XKR4: variants seen among roughly 807,000 people sequenced by gnomAD.
XKR4 encodes XK-related protein 4.
In XKR4, 12 loss-of-function variants were observed where a neutral mutation model predicts 53.9. The observed-to-expected ratio is 0.22, with a 90% confidence interval of 0.14 to 0.36. The LOEUF is 0.36. Ranked by LOEUF, XKR4 falls within the 10% of genes least tolerant of loss-of-function variation. The pLI is 1.00. For synonymous variants in XKR4, 354 were observed against 362.4 expected (o/e 0.98, Z 0.26); for missense variants, 799 against 859.5 (o/e 0.93, Z 0.88).
In XKR4 at chr8:55,523,578, T is replaced by C; in HGVS notation, c.1304T>C (p.Met435Thr). ...ITKWEEIVFD[M>T]VVGIIYIFSW... ...AAATGGGAAGAGATTGTGTTCGACATGGTGGTGGGGATTATCTATATCTTC... is the reference window on the plus strand; with the variant it reads ...AAATGGGAAGAGATTGTGTTCGACACGGTGGTGGGGATTATCTATATCTTC... The change falls in exon 3 of 3, where the codon ATG becomes ACG. Residue 435 changes from methionine (M) to threonine (T), a missense_variant. This residue lies in a region of XKR4 where 54 missense variants were observed against 89.7 expected (regional missense o/e 0.60). Coordinates refer to ENST00000327381, the MANE Select transcript of XKR4 (RefSeq NM_052898.2). 1.2e-6 allele frequency: 2 copies of C among 1,614,162 alleles called. No individual in the cohort carries two copies. Among genetic ancestry groups the C allele is most frequent in the Non-Finnish European group, 1.7e-6 (2 of 1,180,022 alleles).
intron 1 of XKR4, among the ~76,000 whole-genome samples, chr8:55,266,028 T>C (rs775747270): frequency 7.3e-4 from 110 of 151,306 alleles, no homozygotes; most frequent in Non-Finnish European, 1.2e-3. Flanking sequence ...TTCTTAAATA[T>C]AGGCATGTAG....
chr8:55,483,519 G>A (rs539887734), intron 2 of XKR4, among the ~76,000 whole-genome samples: 57 of 151,714 alleles, frequency 3.8e-4, no homozygotes, highest in African/African-American at 1.4e-3. Context: ...GGATTTAACA[G>A]CCAATTTGAT....
intron 1 of XKR4, among the ~76,000 whole-genome samples, chr8:55,161,081 A>C (rs1189816290): frequency 1.3e-5 from 2 of 152,152 alleles, no homozygotes; most frequent in African/African-American, 4.8e-5. Context: ...TTTGGTGGTT[A>C]TCTCTTCCAT....
At chr8:55,193,985 G>T (rs112382860) in intron 1 of XKR4, among the ~76,000 whole-genome samples, 1 of 152,164 alleles carries the variant, frequency 6.6e-6, no homozygotes, top group South Asian at 2.1e-4. Context: ...GGGCCCTGCC[G>T]TAGCCTTCCC....
chr8:55,359,035 T>C (rs1311310359), intron 2 of XKR4, among the ~76,000 whole-genome samples: 1 of 152,214 alleles, frequency 6.6e-6, no homozygotes, highest in Non-Finnish European at 1.5e-5. Context: ...CAACCCTAGT[T>C]TCACACTAGA....
At chr8:55,232,592 A>T (rs961574597) in intron 1 of XKR4, among the ~76,000 whole-genome samples, 1 of 152,250 alleles carries the variant, frequency 6.6e-6, no homozygotes, top group Non-Finnish European at 1.5e-5. Context: ...ACAAAAAATC[A>T]TGTAGAACTT....
chr8:55,221,633 C>T lies in XKR4; in HGVS notation c.806+118339C>T, dbSNP rs116182754. On this transcript the variant is annotated intron_variant, in intron 1 of 2. Coordinates refer to ENST00000327381, the MANE Select transcript of XKR4 (RefSeq NM_052898.2). ...GGCACTATCGTTCTTTGGCTGAGCT[C>T]AGGAAGTTCCCTCTCCCACCCCCAT... 5.9e-4 allele frequency among the ~76,000 whole-genome samples: 90 copies of T among 152,280 alleles called. 2 individuals are homozygous for T. The highest frequency in any genetic ancestry group is 6.8e-3 in the Middle Eastern group (2 of 294).
chr8:55,215,072 G>C (rs1368110174), intron 1 of XKR4, among the ~76,000 whole-genome samples: 1 of 103,132 alleles, frequency 9.7e-6, no homozygotes, highest in Non-Finnish European at 2.6e-5. Context: ...TTAGAGTATG[G>C]TTAAAAAAAA....
chr8:55,181,836 G>C (rs1817314274), intron 1 of XKR4, among the ~76,000 whole-genome samples: 1 of 151,848 alleles, frequency 6.6e-6, no homozygotes, highest in Admixed American at 6.6e-5. Flanking sequence ...AGACCAATCA[G>C]CTTAAAAATC....
At chr8:55,486,060 T>C (rs1806186155) in intron 2 of XKR4, among the ~76,000 whole-genome samples, 1 of 152,166 alleles carries the variant, frequency 6.6e-6, no homozygotes, top group African/African-American at 2.4e-5. Context: ...AATAATCACA[T>C]ATAAATTTTT....
intron 2 of XKR4, among the ~76,000 whole-genome samples, chr8:55,497,146 A>G (rs980877392): frequency 2.0e-5 from 3 of 152,232 alleles, no homozygotes; most frequent in African/African-American, 7.2e-5. Context: ...TGTAAAAGCA[A>G]ACTCCTGAAC....
At chr8:55,435,061 A>T (rs1443561650) in intron 2 of XKR4, among the ~76,000 whole-genome samples, 1 of 152,228 alleles carries the variant, frequency 6.6e-6, no homozygotes, top group African/African-American at 2.4e-5. Flanking sequence ...GGCCACTCAT[A>T]CACACACAAT....
In XKR4 at chr8:55,513,298, G is replaced by C. The variant is rs781729256; in HGVS notation, c.1007-9983G>C. ...AACTGTCAATATTAGTGATGCTTGC[G>C]GATGTTTTGTGGCATGTGGGCCATC... On this transcript the variant is annotated intron_variant, in intron 2 of 2. Transcript: ENST00000327381. Among the ~76,000 whole-genome samples, 56 of 152,274 alleles carry C rather than the reference G, an allele frequency of 3.7e-4. 2 individuals carry two copies. The highest frequency in any genetic ancestry group is 1.3e-3 in the African/African-American group (56 of 41,548).
intron 1 of XKR4, among the ~76,000 whole-genome samples, chr8:55,344,546 T>A (rs1263223693): frequency 6.6e-6 from 1 of 152,126 alleles, no homozygotes; most frequent in African/African-American, 2.4e-5. Flanking sequence ...TTATGTCAAA[T>A]AGTAACCACT....
At chr8:55,462,868 G>C (rs1805685073) in intron 2 of XKR4, among the ~76,000 whole-genome samples, 1 of 152,102 alleles carries the variant, frequency 6.6e-6, no homozygotes, top group Admixed American at 6.6e-5. Context: ...AAGATCAAAA[G>C]AGACAAAGAA....
chr8:55,176,928 G>T (rs1381624032), intron 1 of XKR4, among the ~76,000 whole-genome samples: 8 of 152,138 alleles, frequency 5.3e-5, no homozygotes, highest in South Asian at 2.1e-4. Context: ...AGGCAAATTT[G>T]TGCGCAGCCA....
At chr8:55,439,983 C>A (rs892944029) in intron 2 of XKR4, among the ~76,000 whole-genome samples, 1 of 152,086 alleles carries the variant, frequency 6.6e-6, no homozygotes, top group Non-Finnish European at 1.5e-5. Flanking sequence ...CTGTAGGATG[C>A]AGAGAAGGAT....
At chr8:55,350,011 T>TAC (rs372942073) in intron 1 of XKR4, among the ~76,000 whole-genome samples, 1 of 151,944 alleles carries the variant, frequency 6.6e-6, no homozygotes, top group South Asian at 2.1e-4. Context: ...ATTCTGTGTG[T>TAC]ACACACACAC....
intron 1 of XKR4, among the ~76,000 whole-genome samples, chr8:55,268,105 T>C (rs1226914510): frequency 6.6e-6 from 1 of 152,192 alleles, no homozygotes; most frequent in Non-Finnish European, 1.5e-5. Flanking sequence ...GGATAATATA[T>C]AATTATGAAA....
Sources: allele counts gnomAD v4.1 joint callset (sites outside exome capture counted in the v4.1 genomes callset), GRCh38; gene constraint gnomAD v4.1.1; regional missense constraint gnomAD v4.1.1; transcripts MANE v1.5; gene names NCBI Gene and HGNC (gene_info 2026-07-23, HGNC 2026-07-21).